The following ADAMTS2 variants were observed in gnomAD, a reference collection of about 807,000 sequenced individuals.
The protein encoded by ADAMTS2 is ADAM metallopeptidase with thrombospondin type 1 motif 2, also known as A disintegrin and metalloproteinase with thrombospondin motifs 2.
A neutral mutation model predicts 123.0 loss-of-function variants in ADAMTS2; 50 were observed. The ratio of observed to expected loss-of-function variants is 0.41; its 90% confidence interval spans 0.32 to 0.51. The LOEUF (loss-of-function observed/expected upper bound fraction) is 0.51, where lower values mean the gene tolerates loss of function less well. ADAMTS2 is among the 20% of genes least tolerant of loss of function. The pLI is 0.35. For synonymous variants in ADAMTS2, 678 were observed against 695.4 expected (o/e 0.98, Z 0.39); for missense variants, 1,494 against 1,705.2 (o/e 0.88, Z 2.18).
chr5:179,114,943 C>T (rs1384103060), intron 21 of ADAMTS2, among the ~76,000 whole-genome samples: 1 of 152,216 alleles, frequency 6.6e-6, no homozygotes, highest in Non-Finnish European at 1.5e-5. Flanking sequence ...ATCACCCAAA[C>T]CTGCATGGGC....
intron 2 of ADAMTS2, among the ~76,000 whole-genome samples, chr5:179,329,144 G>T (rs182481256): frequency 1.6e-4 from 24 of 151,918 alleles, no homozygotes; most frequent in African/African-American, 4.8e-4. Flanking sequence ...TGGCTAACAC[G>T]GTGAAACCCC....
chr5:179,195,253 T>G (rs913221143), intron 4 of ADAMTS2, among the ~76,000 whole-genome samples: 1 of 152,176 alleles, frequency 6.6e-6, no homozygotes, highest in Non-Finnish European at 1.5e-5. Flanking sequence ...CCCACACCCG[T>G]GCTCTACTGA....
chr5:179,290,667 A>G (rs1009827422), intron 2 of ADAMTS2, among the ~76,000 whole-genome samples: 6 of 152,230 alleles, frequency 3.9e-5, no homozygotes, highest in Non-Finnish European at 8.8e-5. Context: ...TTAAAACTTT[A>G]AACACATAAA....
Position 179,114,329 on chromosome 5 carries a change from A to T in ADAMTS2, c.3179-5T>A. The T allele has an allele frequency of 6.2e-7, 1 of 1,612,502 alleles. No individual in the cohort carries two copies. Among genetic ancestry groups the T allele is most frequent in the Non-Finnish European group, 8.5e-7 (1 of 1,179,490 alleles). On this transcript the variant is annotated splice_region_variant and splice_polypyrimidine_tract_variant and intron_variant, in intron 21 of 21. Transcript: ENST00000251582. Reference sequence around the variant, plus strand: ...TGTCGCCTTGGCAGTGGCCCTCTGAAAAAGAAAAGTGGGACAAATAACCAA... The same window carrying T: ...TGTCGCCTTGGCAGTGGCCCTCTGATAAAGAAAAGTGGGACAAATAACCAA...
At chr5:179,328,588 C>T (rs915673027) in intron 2 of ADAMTS2, among the ~76,000 whole-genome samples, 6 of 152,200 alleles carry the variant, frequency 3.9e-5, no homozygotes, top group African/African-American at 7.2e-5. Context: ...ACTAATGTGT[C>T]ATTTTTAACT....
At chr5:179,205,556 G>C (rs1764661624) in intron 4 of ADAMTS2, among the ~76,000 whole-genome samples, 2 of 152,170 alleles carry the variant, frequency 1.3e-5, no homozygotes, top group African/African-American at 4.8e-5. Flanking sequence ...TCCAAGCCCA[G>C]TCCTTTCCCC....
chr5:179,129,880 C>T lies in ADAMTS2; in HGVS notation c.2457+52G>A. ...CAGCGTCCCAGGCACCCCCATCCCT[C>T]CCCCAGTGGCCACCCGCACCCTTCC... On this transcript the variant is annotated intron_variant, in intron 16 of 21. Transcript: ENST00000251582. This position sits in a 1 kb window ranked among gnomAD's most constrained non-coding sequence, Gnocchi z 4.1. 6.2e-7 allele frequency: 1 copy of T among 1,608,390 alleles called. No individual in the cohort carries two copies. The highest frequency in any genetic ancestry group is 8.5e-7 in the Non-Finnish European group (1 of 1,177,686).
Position 179,129,806 on chromosome 5 carries a change from G to A in ADAMTS2, c.2457+126C>T, listed in dbSNP as rs1762927377. On this transcript the variant is annotated intron_variant, in intron 16 of 21. Coordinates refer to ENST00000251582, the MANE Select transcript of ADAMTS2 (RefSeq NM_014244.5). This position sits in a 1 kb window ranked among gnomAD's most constrained non-coding sequence, Gnocchi z 4.1. Reference sequence around the variant, plus strand: ...CAAGTCGGAGCCCCTTGGTGCCAAAGGCAGGCCAAAGGGGCCACGCAGAGT... The same window carrying A: ...CAAGTCGGAGCCCCTTGGTGCCAAAAGCAGGCCAAAGGGGCCACGCAGAGT... 7.6e-7 allele frequency: 1 copy of A among 1,312,032 alleles called. No individual in the cohort carries two copies. Among genetic ancestry groups the A allele is most frequent in the Non-Finnish European group, 1.1e-6 (1 of 951,130 alleles). 81.3% of individuals were successfully genotyped at this position (1,312,032 alleles called of 1,614,324 possible).
intron 3 of ADAMTS2, 27 bp from the exon 4 acceptor site, chr5:179,207,742 C>T (rs758706370): frequency 1.3e-4 from 203 of 1,603,884 alleles, no homozygotes; most frequent in South Asian, 3.4e-4. Context: ...CCGTCTTCAG[C>T]GGCAGGGCAA....
chr5:179,291,712 G>A (rs766309331), intron 2 of ADAMTS2, among the ~76,000 whole-genome samples: 2 of 152,002 alleles, frequency 1.3e-5, no homozygotes, highest in Non-Finnish European at 2.9e-5. Flanking sequence ...TCTTCCCTTC[G>A]CTATAAAGGT....
At chr5:179,281,472 A>T (rs767864640) in intron 2 of ADAMTS2, among the ~76,000 whole-genome samples, 10 of 152,140 alleles carry the variant, frequency 6.6e-5, no homozygotes, top group Non-Finnish European at 1.3e-4. Context: ...GGCTTCCTTC[A>T]CTTAGTATGT....
At chr5:179,220,880 T>C (rs572401770) in intron 3 of ADAMTS2, among the ~76,000 whole-genome samples, 2 of 152,260 alleles carry the variant, frequency 1.3e-5, no homozygotes, top group South Asian at 4.2e-4. Context: ...GGGAAGAGCT[T>C]GCAGCCAACA....
intron 2 of ADAMTS2, among the ~76,000 whole-genome samples, chr5:179,288,703 G>A (rs548983841): frequency 6.6e-5 from 10 of 152,232 alleles, no homozygotes; most frequent in African/African-American, 1.2e-4. Flanking sequence ...GACCAAAGGC[G>A]CCGTATCCAG....
At chr5:179,220,502 C>T (rs546945612) in intron 3 of ADAMTS2, among the ~76,000 whole-genome samples, 155 of 152,264 alleles carry the variant, frequency 1.0e-3, no homozygotes, top group African/African-American at 3.5e-3. Flanking sequence ...CTCCTCTGCC[C>T]GCACGTGCAC....
intron 9 of ADAMTS2, among the ~76,000 whole-genome samples, chr5:179,153,125 G>T (rs549447053): frequency 6.7e-6 from 1 of 148,584 alleles, no homozygotes; most frequent in Non-Finnish European, 1.5e-5. Context: ...CTCTGCGTCC[G>T]TGGCCTCTGC....
At chr5:179,210,338 C>T (rs763762900) in intron 3 of ADAMTS2, among the ~76,000 whole-genome samples, 41 of 152,318 alleles carry the variant, frequency 2.7e-4, no homozygotes, top group Non-Finnish European at 4.4e-4. Flanking sequence ...GGCTGGGGCA[C>T]GTCTTGAGGC....
In ADAMTS2 at chr5:179,153,515, G is replaced by T; in HGVS notation, c.1491C>A (p.Gly497=). Reference sequence around the variant, plus strand: ...CCGCCGTGCACATCATGTAGCCCAGGCCGAAGTCAAAGCGGCATTGCTCGT... The same window carrying T: ...CCGCCGTGCACATCATGTAGCCCAGTCCGAAGTCAAAGCGGCATTGCTCGT... ...SMNEQCRFDF[G]LGYMMCTAFR... Residue 497 remains glycine, a synonymous_variant, in exon 9 of 22, where the codon GGC becomes GGA. Coordinates refer to ENST00000251582, the MANE Select transcript of ADAMTS2 (RefSeq NM_014244.5). 1 of 1,610,386 alleles carries T rather than the reference G, an allele frequency of 6.2e-7. No individual in the cohort carries two copies.
At chr5:179,133,795 T>C (rs964062954) in intron 13 of ADAMTS2, among the ~76,000 whole-genome samples, 1 of 151,928 alleles carries the variant, frequency 6.6e-6, no homozygotes, top group African/African-American at 2.4e-5. Flanking sequence ...CTTGGCTCAC[T>C]GCAGCCTCCG....
chr5:179,128,537 C>T lies in ADAMTS2; in HGVS notation c.2458-419G>A, dbSNP rs913219818. 5.9e-5 allele frequency among the ~76,000 whole-genome samples: 9 copies of T among 152,052 alleles called. No homozygotes were observed. Among genetic ancestry groups the T allele is most frequent in the African/African-American group, 1.2e-4 (5 of 41,404 alleles). On this transcript the variant is annotated intron_variant, in intron 16 of 21. Transcript: ENST00000251582. The surrounding 1 kb of genome is among the most constrained non-coding windows in gnomAD (Gnocchi z 4.9). ...CCTCCTGAGTAGCTGGGATTACAGGCGCCCGCCACCACGCCTGGCTAATTT... is the reference window on the plus strand; with the variant it reads ...CCTCCTGAGTAGCTGGGATTACAGGTGCCCGCCACCACGCCTGGCTAATTT...
Sources: gnomAD v4.1 joint callset for allele counts (sites outside exome capture counted in the v4.1 genomes callset) on GRCh38, gnomAD v4.1.1 for gene constraint, Gnocchi (gnomAD v3.1) non-coding constraint, MANE v1.5 for transcripts, NCBI Gene and HGNC (gene_info 2026-07-23, HGNC 2026-07-21) for gene names.